The following ADGRG7 variants were observed in gnomAD, a reference collection of about 807,000 sequenced individuals.
The protein encoded by ADGRG7 is adhesion G protein-coupled receptor G7, also known as G-protein coupled receptor 128.
ADGRG7 carries 82 observed loss-of-function variants against 88.6 expected under a neutral mutation model. That is an observed-to-expected ratio of 0.93 (90% CI 0.77 to 1.11). ADGRG7 has a LOEUF of 1.11. ADGRG7 is among the 50% of genes most tolerant of loss of function. The pLI is 0.00. For missense variants in ADGRG7, 945 were observed against 953.4 expected (o/e 0.99, Z 0.12); for synonymous variants, 381 against 345.2 (o/e 1.10, Z -1.15).
rs193087349 is a variant in ADGRG7, at chr3:100,632,993, G to A, written c.335-272G>A. ...ATATTGTTTCTAGTCTCTCAGCCTA[G>A]CATTCTCTCATCATATCCACTTCAA... On this transcript the variant is annotated intron_variant, in intron 3 of 15. Coordinates refer to ENST00000273352, the MANE Select transcript of ADGRG7 (RefSeq NM_032787.3). Among the ~76,000 whole-genome samples the A allele has an allele frequency of 1.1e-3, 164 of 152,128 alleles. 1 individual carries two copies. Among genetic ancestry groups the A allele is most frequent in the African/African-American group, 3.8e-3 (157 of 41,522 alleles).
intron 1 of ADGRG7, among the ~76,000 whole-genome samples, chr3:100,623,453 C>G (rs1329854182): frequency 6.6e-6 from 1 of 152,070 alleles, no homozygotes; most frequent in Non-Finnish European, 1.5e-5. Flanking sequence ...TGATTCCATC[C>G]TGTCTTGATT....
At chr3:100,665,536 A>C (rs1394048871) in intron 14 of ADGRG7, 1 of 427,564 alleles carries the variant, frequency 2.3e-6, no homozygotes, top group East Asian at 6.5e-5. Context: ...TAGTGGGACT[A>C]TATCTTACAT....
chr3:100,638,335 G>A (rs1707580913), intron 6 of ADGRG7, among the ~76,000 whole-genome samples: 1 of 152,144 alleles, frequency 6.6e-6, no homozygotes, highest in Non-Finnish European at 1.5e-5. Context: ...AAGTGGGTGG[G>A]AAGGGCAGGT....
In ADGRG7 at chr3:100,624,423, G is replaced by A. The variant is rs995867706; in HGVS notation, c.116-5175G>A. Among the ~76,000 whole-genome samples the A allele has an allele frequency of 2.6e-5, 4 of 152,164 alleles. 1 individual carries two copies. The East Asian group carries it at 7.7e-4, about 29-fold the overall frequency. The stretch of plus-strand genomic sequence containing the variant: ...TTCTTGTAAATTTAAGTTCCTTGTA[G>A]ATTCTGTATATTAGACCTTTGCAAT... On this transcript the variant is annotated intron_variant, in intron 1 of 15. Transcript: ENST00000273352.
chr3:100,615,054 G>T (rs1707205076), intron 1 of ADGRG7, among the ~76,000 whole-genome samples: 1 of 152,198 alleles, frequency 6.6e-6, no homozygotes, highest in African/African-American at 2.4e-5. Flanking sequence ...AAAGGAAGCT[G>T]ATGCTGCCTG....
chr3:100,666,090 C>T lies in ADGRG7; in HGVS notation c.1980-2859C>T, dbSNP rs535173868. Reference sequence around the variant, plus strand: ...TTTTTGAGATGGAGTCTTGCTCTGTCACCCAGGCTGGAGTGCAGTGGCGTG... The same window carrying T: ...TTTTTGAGATGGAGTCTTGCTCTGTTACCCAGGCTGGAGTGCAGTGGCGTG... On this transcript the variant is annotated intron_variant, in intron 14 of 15. Coordinates refer to ENST00000273352, the MANE Select transcript of ADGRG7 (RefSeq NM_032787.3). Among the ~76,000 whole-genome samples the T allele has an allele frequency of 6.2e-3, 920 of 148,630 alleles. 7 individuals carry two copies. Among genetic ancestry groups the T allele is most frequent in the Non-Finnish European group, 9.4e-3 (635 of 67,558 alleles).
chr3:100,686,906 A>G (rs1009450347), intron 15 of ADGRG7, among the ~76,000 whole-genome samples: 7 of 152,136 alleles, frequency 4.6e-5, no homozygotes, highest in African/African-American at 1.2e-4. Context: ...GTTTTTTCCA[A>G]TTCTGTGAAG....
intron 14 of ADGRG7, among the ~76,000 whole-genome samples, chr3:100,660,061 C>T (rs2094943190): frequency 6.6e-6 from 1 of 152,224 alleles, no homozygotes; most frequent in African/African-American, 2.4e-5. Context: ...TGGGTTTCCA[C>T]ATCTGTGGAT....
At chr3:100,625,569 A>G (rs1707369635) in intron 1 of ADGRG7, among the ~76,000 whole-genome samples, 1 of 152,068 alleles carries the variant, frequency 6.6e-6, no homozygotes, top group Non-Finnish European at 1.5e-5. Context: ...ACTATGTTGA[A>G]TAGGGTTGGT....
intron 4 of ADGRG7, 41 bp from the exon 5 acceptor site, chr3:100,635,636 A>G: frequency 6.2e-7 from 1 of 1,601,920 alleles, no homozygotes. Context: ...TTTGGACATA[A>G]TTGTGTAAAG....
intron 5 of ADGRG7, 75 bp from the exon 6 acceptor site, chr3:100,637,227 A>G: frequency 1.0e-6 from 1 of 988,876 alleles, no homozygotes; most frequent in Non-Finnish European, 1.6e-6. Context: ...TACTACAATG[A>G]TTCATGATGA....
At chr3:100,618,394 T>A (rs1451566225) in intron 1 of ADGRG7, among the ~76,000 whole-genome samples, 5 of 152,240 alleles carry the variant, frequency 3.3e-5, no homozygotes, top group Non-Finnish European at 7.3e-5. Flanking sequence ...AATTTTTGTA[T>A]AAGGTATAAG....
chr3:100,659,337 G>A (rs370255195), intron 13 of ADGRG7, among the ~76,000 whole-genome samples: 2 of 151,294 alleles, frequency 1.3e-5, no homozygotes, highest in East Asian at 3.9e-4. Flanking sequence ...CTACTCGGGA[G>A]GCTGAGGCAG....
At chr3:100,653,879 T>C (rs114999437) in intron 11 of ADGRG7, among the ~76,000 whole-genome samples, 227 of 152,186 alleles carry the variant, frequency 1.5e-3, no homozygotes, top group African/African-American at 5.0e-3. Flanking sequence ...GTCAGTGTTA[T>C]AGGATTTTCT....
chr3:100,613,372 TG>T (rs1180647113), intron 1 of ADGRG7, among the ~76,000 whole-genome samples: 6 of 152,148 alleles, frequency 3.9e-5, no homozygotes, highest in Admixed American at 6.5e-5. Context: ...TATTTGCATT[TG>T]GGGGTTTAAA....
intron 15 of ADGRG7, among the ~76,000 whole-genome samples, chr3:100,689,397 C>T (rs7371847): frequency 0.28 from 43,206 of 151,964 alleles, 6,530 homozygotes; most frequent in East Asian, 0.54. Flanking sequence ...AATATTGTTA[C>T]GTGTGAATTT....
At chr3:100,621,170 C>T (rs947806479) in intron 1 of ADGRG7, among the ~76,000 whole-genome samples, 2 of 152,086 alleles carry the variant, frequency 1.3e-5, no homozygotes, top group African/African-American at 2.4e-5. Context: ...CTCTATTCCC[C>T]GAGACACAAC....
chr3:100,675,694 C>T (rs2149037766), intron 15 of ADGRG7, among the ~76,000 whole-genome samples: 1 of 152,136 alleles, frequency 6.6e-6, no homozygotes, highest in East Asian at 1.9e-4. Flanking sequence ...GTTAGTTCTT[C>T]TTTAAATGTT....
chr3:100,652,322 G>A (rs573550040), intron 11 of ADGRG7, among the ~76,000 whole-genome samples: 65 of 152,030 alleles, frequency 4.3e-4, no homozygotes, highest in Non-Finnish European at 7.8e-4. Flanking sequence ...ATGAAACATC[G>A]TAAAAACATA....
Sources: gnomAD v4.1 joint callset for allele counts (sites outside exome capture counted in the v4.1 genomes callset) on GRCh38, gnomAD v4.1.1 for gene constraint, MANE v1.5 for transcripts, NCBI Gene and HGNC (gene_info 2026-07-23, HGNC 2026-07-21) for gene names.